Variants in SLC39A4 observed in about 807,000 individuals in gnomAD.
SLC39A4 encodes solute carrier family 39 member 4.
SLC39A4 carries 49 observed loss-of-function variants against 56.6 expected under a neutral mutation model. The ratio of observed to expected loss-of-function variants is 0.87; its 90% CI spans 0.69 to 1.10. The LOEUF is 1.10. SLC39A4 is among the 50% of genes least tolerant of loss of function. The pLI is 0.00. For missense variants in SLC39A4, 993 were observed against 864.2 expected, an observed-to-expected ratio of 1.15 and a Z score of -1.87; for synonymous variants, 540 against 420.4, an observed-to-expected ratio of 1.28 and a Z score of -3.48.
Position 144,415,294 on chromosome 8 carries a change from C to T in SLC39A4, c.600G>A (p.Pro200=), listed in dbSNP as rs574032171. Reference sequence around the variant, plus strand: ...CAAAGTCCACGAAGTACTGAGGGCTCGGCAAGGCGTGGAAGCAAGACCCGC... The same window carrying T: ...CAAAGTCCACGAAGTACTGAGGGCTTGGCAAGGCGTGGAAGCAAGACCCGC... ...VRSGSCFHAL[P]SPQYFVDFVF... Residue 200 remains proline (P), a synonymous_variant, in exon 3 of 12, where the codon CCG becomes CCA. Coordinates refer to ENST00000301305, the MANE Select transcript of SLC39A4 (RefSeq NM_130849.4). 10 of 1,613,194 alleles carry T rather than the reference C, an allele frequency of 6.2e-6. No individual in the cohort carries two copies. Among genetic ancestry groups the T allele is most frequent in the Admixed American group, 3.3e-5 (2 of 60,004 alleles).
chr8:144,413,741 C>A lies in SLC39A4; in HGVS notation c.1419+9G>T. 6.5e-7 allele frequency: 1 copy of A among 1,536,014 alleles called. No homozygotes were observed. The highest frequency in any genetic ancestry group is 8.7e-7 in the Non-Finnish European group (1 of 1,146,656). On this transcript the variant is annotated intron_variant, in intron 8 of 11. Coordinates refer to ENST00000301305, the MANE Select transcript of SLC39A4 (RefSeq NM_130849.4). ...TCCGCGTGGGATGGGGCATCTGGCG[C>A]CCACTCACCAGGTCTGCGCGGGAGC...
rs563724049 is a variant in SLC39A4 at position 144,413,839 on chromosome 8, C to G, written c.1330G>C (p.Gly444Arg). 5 of 1,595,764 alleles carry G rather than the reference C, an allele frequency of 3.1e-6. No individual in the cohort carries two copies. The highest frequency in any genetic ancestry group is 4.3e-6 in the Non-Finnish European group (5 of 1,174,928). The change falls in exon 8 of 12, where the codon GGG (glycine) becomes CGG (arginine). Residue 444 changes from glycine to arginine, a missense_variant. By Grantham distance (125) the Gly-to-Arg change is moderately radical (BLOSUM62 -2). Transcript: ENST00000301305. ...AGGGACACACCGTGGCTGTGGCCCC[C>G]GTGGCTATGGCTGCTGTGGCCGCAG... is the stretch of plus-strand genomic sequence containing the variant. Reference protein sequence around the residue: ...GPCGHSSHSHGGHSHGVSLQL... With the variant: ...GPCGHSSHSHRGHSHGVSLQL...
At chr8:144,415,141 CTG>C in intron 3 of SLC39A4, 31 bp from the exon 4 acceptor site, 1 of 1,612,696 alleles carries the variant, frequency 6.2e-7, no homozygotes, top group Non-Finnish European at 8.5e-7. Flanking sequence ...CACCGCGAGT[CTG>C]TGTGGGCTCC....
At chr8:144,413,695 G>A (rs991894994) in intron 8 of SLC39A4, 55 bp downstream of exon 8, 2 of 1,536,080 alleles carry the variant, frequency 1.3e-6, no homozygotes, top group African/African-American at 1.4e-5. Flanking sequence ...GTGGGCGTGG[G>A]AAGGGGTCGG....
rs1554872957 is a variant in SLC39A4 at position 144,414,287 on chromosome 8, T to C, written c.1124A>G (p.Asp375Gly). The C allele has an allele frequency of 1.2e-6, 2 of 1,608,882 alleles. No homozygotes were observed. The highest frequency in any genetic ancestry group is 1.7e-4 in the Middle Eastern group (1 of 6,000). ...LSLAVGAVTG[D>G]AVLHLTPKVL... ...CTTGGGCGTCAGATGCAGGACAGCGTCCCCAGTGACTGCACCCACTGCCAG... is the reference window on the plus strand; with the variant it reads ...CTTGGGCGTCAGATGCAGGACAGCGCCCCCAGTGACTGCACCCACTGCCAG... Residue 375 changes from aspartate to glycine, a missense_variant, in exon 6 of 12, where the codon GAC becomes GGC. Asp to Gly is a moderately conservative substitution (Grantham distance 94). Coordinates refer to ENST00000301305, the MANE Select transcript of SLC39A4 (RefSeq NM_130849.4).
chr8:144,412,444 G>A lies in SLC39A4; in HGVS notation c.*94C>T, dbSNP rs1186217702. ...GGACAAGAGTGTCTTTACTGGAGTT[G>A]GGACTGGGGCCTCTATAGGGGCTTC... On this transcript the variant is annotated 3_prime_UTR_variant, in exon 12 of 12. Coordinates refer to ENST00000301305, the MANE Select transcript of SLC39A4 (RefSeq NM_130849.4). 1.1e-5 allele frequency: 17 copies of A among 1,595,816 alleles called. No homozygotes were observed. The highest frequency in any genetic ancestry group is 2.7e-5 in the African/African-American group (2 of 74,436).
Position 144,413,791 on chromosome 8 carries a change from G to A in SLC39A4, c.1378C>T (p.Arg460Trp), listed in dbSNP as rs782596866. 3 of 1,554,666 alleles carry A rather than the reference G, an allele frequency of 1.9e-6. No homozygotes were observed. The highest frequency in any genetic ancestry group is 2.6e-6 in the Non-Finnish European group (3 of 1,155,566). The change falls in exon 8 of 12, where the codon CGG becomes TGG. Residue 460 changes from arginine to tryptophan, a missense_variant. Coordinates refer to ENST00000301305, the MANE Select transcript of SLC39A4 (RefSeq NM_130849.4). ...CCCTCGTGGGGGGGCTTGGGCTGCCGGAGCTCGCTGGGTGCCAGCTGCAGG... is the reference window on the plus strand; with the variant it reads ...CCCTCGTGGGGGGGCTTGGGCTGCCAGAGCTCGCTGGGTGCCAGCTGCAGG... The part of the protein sequence containing the change: ...VSLQLAPSEL[R>W]QPKPPHEGSR...
Position 144,414,345 on chromosome 8 carries a change from C to G in SLC39A4, c.1066G>C (p.Val356Leu). ...AAGGTCTGCAGGATGTAGTGGGTGA[C>G]CCCCCTGCAGCCAGTGCAGGTCAGC... Reference protein sequence around the residue: ...LLLTCTGCRGVTHYILQTFLS... With the variant: ...LLLTCTGCRGLTHYILQTFLS... Residue 356 changes from valine (V) to leucine (L), a missense_variant, in exon 6 of 12, where the codon GTC becomes CTC. By Grantham distance (32) the Val-to-Leu change is conservative. Transcript: ENST00000301305. 1 of 1,588,922 alleles carries G rather than the reference C, an allele frequency of 6.3e-7. No individual in the cohort carries two copies. The highest frequency in any genetic ancestry group is 8.6e-7 in the Non-Finnish European group (1 of 1,168,278).
intron 10 of SLC39A4, 73 bp downstream of exon 10, chr8:144,413,164 C>G: frequency 6.8e-7 from 1 of 1,472,508 alleles, no homozygotes; most frequent in Non-Finnish European, 9.1e-7. Context: ...AGGCCCCGCC[C>G]ACCTGTTCCA....
At position 144,412,925 on chromosome 8, in the gene SLC39A4, TGCA is replaced by T. The variant is rs782800488; in HGVS notation, c.1646_1648del (p.Leu549del). 6.9e-6 allele frequency: 11 copies of T among 1,605,520 alleles called. No individual in the cohort carries two copies. Among genetic ancestry groups the T allele is most frequent in the Non-Finnish European group, 5.1e-6 (6 of 1,179,066 alleles). On this transcript the variant is annotated inframe_deletion, in exon 11 of 12. Transcript: ENST00000301305. ...TGCTTGGCGCACGGACAGCCCCGCG[TGCA>T]GCAAGGCGGCGAAGTCCCCTGCGGG...
At chr8:144,414,698 C>T (rs782116171) in intron 5 of SLC39A4, 27 bp downstream of exon 5, 1 of 1,610,960 alleles carries the variant, frequency 6.2e-7, no homozygotes, top group Non-Finnish European at 8.5e-7. Flanking sequence ...TCTGTGCTGC[C>T]AGCACAATGT....
Position 144,412,525 on chromosome 8 carries a change from C to T in SLC39A4, c.*13G>A. 1 of 1,614,118 alleles carries T rather than the reference C, an allele frequency of 6.2e-7. No homozygotes were observed. On this transcript the variant is annotated 3_prime_UTR_variant, in exon 12 of 12. Coordinates refer to ENST00000301305, the MANE Select transcript of SLC39A4 (RefSeq NM_130849.4). The stretch of plus-strand genomic sequence containing the variant: ...GGGATCTTAAGTCAAAGGTGGGGGA[C>T]TAGGGCAGGGTATCAGAAGGTGATG...
intron 5 of SLC39A4, 61 bp from the exon 6 acceptor site, chr8:144,414,495 G>T: frequency 1.3e-6 from 2 of 1,547,224 alleles, no homozygotes; most frequent in Non-Finnish European, 8.7e-7. Context: ...TGCTTCCCGG[G>T]CGCTGCTCAC....
At chr8:144,412,969 A>G in intron 10 of SLC39A4, 23 bp from the exon 11 acceptor site, 7 of 1,575,082 alleles carry the variant, frequency 4.4e-6, no homozygotes, top group Non-Finnish European at 6.0e-6. Context: ...CCACATTAAC[A>G]GCTCCGCCCT....
intron 1 of SLC39A4, 92 bp from the exon 2 acceptor site, chr8:144,416,183 C>A: frequency 6.3e-7 from 1 of 1,594,826 alleles, no homozygotes; most frequent in Admixed American, 1.7e-5. Context: ...GCCTGTTTCC[C>A]TTTCAAGTCC....
At chr8:144,415,507 T>A in intron 2 of SLC39A4, 88 bp from the exon 3 acceptor site, 1 of 1,411,464 alleles carries the variant, frequency 7.1e-7, no homozygotes, top group Non-Finnish European at 9.6e-7. Flanking sequence ...CCACCCCAAC[T>A]ACAGGATCTG....
intron 1 of SLC39A4, 105 bp downstream of exon 1, chr8:144,416,493 T>G: frequency 1.3e-6 from 2 of 1,486,826 alleles, no homozygotes; most frequent in East Asian, 2.5e-5. Flanking sequence ...GCCACTAGCC[T>G]CCTCCGCCTC....
chr8:144,415,090 G>T lies in SLC39A4; in HGVS notation c.688C>A (p.Arg230Ser), dbSNP rs201390407. The T allele has an allele frequency of 3.7e-6, 6 of 1,611,536 alleles. No individual in the cohort carries two copies. Among genetic ancestry groups the T allele is most frequent in the Non-Finnish European group, 3.4e-6 (4 of 1,179,910 alleles). Residue 230 changes from arginine to serine, a missense_variant, in exon 4 of 12, where the codon CGC becomes AGC. Transcript: ENST00000301305. ...TGGGCCTCCCTGCCCACCCCCAGGCGCTGCATCAAGGCTGACAGCTCTGGC... is the reference window on the plus strand; with the variant it reads ...TGGGCCTCCCTGCCCACCCCCAGGCTCTGCATCAAGGCTGACAGCTCTGGC... ...TLAELSALMQ[R>S]LGVGREAHSD...
rs1554871860 is a variant in SLC39A4 at position 144,412,683 on chromosome 8, C to T, written c.1816-17G>A. Reference sequence around the variant, plus strand: ...CGCCGGGAGCTGAGGAGCAAGTGGGCACCGGGTCAGCGCCCCTGCTCAGCT... The same window carrying T: ...CGCCGGGAGCTGAGGAGCAAGTGGGTACCGGGTCAGCGCCCCTGCTCAGCT... On this transcript the variant is annotated splice_polypyrimidine_tract_variant and intron_variant, in intron 11 of 11. Coordinates refer to ENST00000301305, the MANE Select transcript of SLC39A4 (RefSeq NM_130849.4). 2 of 1,613,690 alleles carry T rather than the reference C, an allele frequency of 1.2e-6. No homozygotes were observed. The highest frequency in any genetic ancestry group is 1.7e-5 in the Admixed American group (1 of 60,012).
Sources: gnomAD v4.1 joint callset for allele counts on GRCh38, gnomAD v4.1.1 for gene constraint, MANE v1.5 for transcripts, NCBI Gene and HGNC (gene_info 2026-07-23, HGNC 2026-07-21) for gene names.